Variants in ANKRD36C observed in about 807,000 individuals in gnomAD.
ANKRD36C encodes the protein ankyrin repeat domain-containing protein 36C.
A neutral mutation model predicts 276.4 loss-of-function variants in ANKRD36C; 61 were observed. The observed-to-expected ratio is 0.22, with a 90% confidence interval of 0.18 to 0.27. The LOEUF (loss-of-function observed/expected upper bound fraction) is 0.27. Ranked by LOEUF, ANKRD36C falls within the 10% of genes least tolerant of loss-of-function variation. The pLI is 1.00. For synonymous variants in ANKRD36C, 483 were observed against 680.1 expected (o/e 0.71, Z 4.51); for missense variants, 1,447 against 2,032.3 (o/e 0.71, Z 5.54).
intron 58 of ANKRD36C, 132 bp from the exon 79 acceptor site, chr2:95,876,644 G>A (rs1353764881): frequency 6.5e-6 from 4 of 614,676 alleles, no homozygotes; most frequent in East Asian, 6.5e-5. Context: ...GAGGTCAGGA[G>A]ATCGAGACCA....
chr2:95,948,905 A>T (rs2918887), intron 16 of ANKRD36C, among the ~76,000 whole-genome samples: 2 of 151,988 alleles, frequency 1.3e-5, no homozygotes, highest in African/African-American at 4.8e-5. Context: ...ACAATAATTT[A>T]TCCTTATAAA....
At chr2:95,963,825 A>T (rs1678512074) in intron 6 of ANKRD36C, among the ~76,000 whole-genome samples, 1 of 122,084 alleles carries the variant, frequency 8.2e-6, no homozygotes, top group South Asian at 2.6e-4. Context: ...TTTTGCAAAA[A>T]CATACATGTC....
At chr2:95,983,452 C>G (rs577826307) in intron 3 of ANKRD36C, among the ~76,000 whole-genome samples, 6 of 151,620 alleles carry the variant, frequency 4.0e-5, no homozygotes, top group Admixed American at 6.6e-5. Context: ...CCAATTAATT[C>G]TTACCTAACT....
Position 95,880,517 on chromosome 2 carries a change from C to G in ANKRD36C, c.3397-18G>C, listed in dbSNP as rs1676053098. On this transcript the variant is annotated intron_variant, in intron 57 of 66. Transcript: ENST00000456556. The stretch of plus-strand genomic sequence containing the variant: ...ATTGTAGCCTGAATGGGTTTTAAAA[C>G]AAAGTGATTAGCACATGATGTATAT... The G allele has an allele frequency of 2.6e-6, 4 of 1,544,538 alleles. No individual in the cohort carries two copies. The highest frequency in any genetic ancestry group is 2.6e-6 in the Non-Finnish European group (3 of 1,142,644).
intron 6 of ANKRD36C, among the ~76,000 whole-genome samples, chr2:95,966,892 G>A (rs2104515184): frequency 6.6e-6 from 1 of 152,210 alleles, no homozygotes; most frequent in East Asian, 1.9e-4. Context: ...CTTGTGAGTT[G>A]TATTCCTTGC....
intron 10 of ANKRD36C, among the ~76,000 whole-genome samples, chr2:95,960,168 G>C (rs1195374755): frequency 9.2e-5 from 14 of 151,958 alleles, no homozygotes; most frequent in Non-Finnish European, 1.6e-4. Flanking sequence ...TTCCCCTCTT[G>C]ATGGAGACAT....
At chr2:95,981,607 C>G (rs1158284262) in intron 4 of ANKRD36C, among the ~76,000 whole-genome samples, 2 of 150,380 alleles carry the variant, frequency 1.3e-5, no homozygotes, top group African/African-American at 4.9e-5. Flanking sequence ...GACATTCTAA[C>G]ATTATATATA....
At chr2:95,939,207 C>T (rs1336279314) in intron 20 of ANKRD36C, among the ~76,000 whole-genome samples, 192 bp from the exon 21 acceptor site, 22 of 150,088 alleles carry the variant, frequency 1.5e-4, no homozygotes, top group African/African-American at 5.6e-4. Flanking sequence ...TGAAAAATCA[C>T]AATATAGATT....
intron 60 of ANKRD36C, among the ~76,000 whole-genome samples, chr2:95,866,500 T>C (rs1316049295): frequency 1.3e-5 from 2 of 152,154 alleles, no homozygotes; most frequent in South Asian, 2.1e-4. Flanking sequence ...ACAAAGAAGA[T>C]GTACAGATGG....
At chr2:95,888,359 C>T (rs1676252072) in intron 48 of ANKRD36C, among the ~76,000 whole-genome samples, 1 of 151,602 alleles carries the variant, frequency 6.6e-6, no homozygotes, top group African/African-American at 2.4e-5. Flanking sequence ...ATGTCCAAAA[C>T]TAAAATAAAA....
chr2:95,942,334 A>G (rs1359152017), intron 19 of ANKRD36C, among the ~76,000 whole-genome samples: 2 of 152,138 alleles, frequency 1.3e-5, no homozygotes, highest in African/African-American at 4.8e-5. Flanking sequence ...AAGATATAAA[A>G]TATATTTTCT....
intron 38 of ANKRD36C, among the ~76,000 whole-genome samples, chr2:95,915,362 G>A (rs1677061360): frequency 6.6e-6 from 1 of 151,462 alleles, no homozygotes; most frequent in Non-Finnish European, 1.5e-5. Context: ...GCCAATTCAA[G>A]CACTGTTTCC....
intron 64 of ANKRD36C, 23 bp from the exon 85 acceptor site, chr2:95,852,219 A>G (rs1490590678): frequency 5.1e-6 from 8 of 1,572,112 alleles, no homozygotes; most frequent in Non-Finnish European, 7.0e-6. Flanking sequence ...ATTTTAAAAA[A>G]TTACATTTGG....
At position 95,912,417 on chromosome 2, in the gene ANKRD36C, G is replaced by T. The variant is rs772061040; in HGVS notation, c.2570C>A (p.Pro857Gln). Residue 857 changes from proline (P) to glutamine (Q), a missense_variant, in exon 41 of 67, where the codon CCA becomes CAA. Pro to Gln is a moderately conservative substitution (Grantham distance 76, BLOSUM62 -1). Coordinates refer to ENST00000456556, the Ensembl canonical transcript of ANKRD36C. ...TGAGAGTTTCATTACCTTCAAGGCT[G>T]GTTTTTTCCGAGAAGACACTGAAAA... 11 of 1,604,380 alleles carry T rather than the reference G, an allele frequency of 6.9e-6. No individual in the cohort carries two copies. In the South Asian group the frequency reaches 9.9e-5, roughly 14 times the overall value.
chr2:95,967,053 G>A (rs1678606586), intron 6 of ANKRD36C, among the ~76,000 whole-genome samples: 1 of 152,068 alleles, frequency 6.6e-6, no homozygotes, highest in South Asian at 2.1e-4. Context: ...GGAGATTTGG[G>A]GCTGAGACAA....
chr2:95,884,230 T>C, exon 54 of ANKRD36C: 1 of 1,610,004 alleles, frequency 6.2e-7, no homozygotes, highest in African/African-American at 1.3e-5. Flanking sequence ...ACAGAATCTT[T>C]CTCATCACCT....
chr2:95,874,991 C>A (rs1262575319), intron 59 of ANKRD36C, among the ~76,000 whole-genome samples: 1 of 152,202 alleles, frequency 6.6e-6, no homozygotes, highest in African/African-American at 2.4e-5. Context: ...TACCATCTCA[C>A]ACCAGTTAGG....
At chr2:95,966,104 A>G (rs1290364091) in intron 6 of ANKRD36C, among the ~76,000 whole-genome samples, 1 of 152,130 alleles carries the variant, frequency 6.6e-6, no homozygotes, top group African/African-American at 2.4e-5. Flanking sequence ...TACTTTCTTC[A>G]TTTTTAAAAC....
chr2:95,962,136 C>G (rs1044503747), intron 8 of ANKRD36C, among the ~76,000 whole-genome samples: 3 of 152,004 alleles, frequency 2.0e-5, no homozygotes, highest in Non-Finnish European at 4.4e-5. Context: ...ATCATTCCTG[C>G]CAATTTCACT....
Sources: gnomAD v4.1 joint callset for allele counts (sites outside exome capture counted in the v4.1 genomes callset) on GRCh38, gnomAD v4.1.1 for gene constraint, MANE v1.5 for transcripts, NCBI Gene and HGNC (gene_info 2026-07-23, HGNC 2026-07-21) for gene names.